The following SHMT1 variants were observed in gnomAD, a reference collection of about 807,000 sequenced individuals.
The protein encoded by SHMT1 is serine hydroxymethyltransferase, cytosolic.
A neutral mutation model predicts 49.0 loss-of-function variants in SHMT1; 45 were observed. The ratio of observed to expected loss-of-function variants is 0.92; its 90% CI spans 0.72 to 1.18. The LOEUF is 1.18. Among genes scored for constraint, SHMT1 ranks in the 50% most tolerant of loss-of-function variants. SHMT1 has a pLI of 0.00. For missense variants in SHMT1, 541 were observed against 612.4 expected (o/e 0.88, Z 1.23); for synonymous variants, 232 against 246.6 (o/e 0.94, Z 0.55).
Position 18,328,792 on chromosome 17 carries a change from G to C in SHMT1, c.1410C>G (p.Ser470Arg), listed in dbSNP as rs374829533. The change falls in exon 12 of 12, where the codon AGC (serine) becomes AGG (arginine). Residue 470 changes from serine to arginine, a missense_variant. By Grantham distance (110) the Ser-to-Arg change is moderately radical (BLOSUM62 -1). Transcript: ENST00000316694. Reference sequence around the variant, plus strand: ...CAGGCAGAGGGAAGAGAGAGGCGAAGCTCTCAACCTCCTCCCGGAGAGCCT... The same window carrying C: ...CAGGCAGAGGGAAGAGAGAGGCGAACCTCTCAACCTCCTCCCGGAGAGCCT... ...AVQALREEVESFASLFPLPGL... is the reference protein window; with the variant it reads ...AVQALREEVERFASLFPLPGL... 2 of 1,603,410 alleles carry C rather than the reference G, an allele frequency of 1.2e-6. No individual in the cohort carries two copies. Among genetic ancestry groups the C allele is most frequent in the African/African-American group, 2.7e-5 (2 of 74,712 alleles).
At chr17:18,357,785 G>A (rs1458054788) in intron 1 of SHMT1, among the ~76,000 whole-genome samples, 1 of 151,344 alleles carries the variant, frequency 6.6e-6, no homozygotes, top group Non-Finnish European at 1.5e-5. Flanking sequence ...TTCAAGACCA[G>A]CCTGGGCATT....
rs1162806683 is a variant in SHMT1 at position 18,363,409 on chromosome 17, C to G, written c.-57G>C. ...CCGTCCTACGCCGCCGCCGGTGCCACCAGTCCCAGACCCGCTGACCCAACG... is the reference window on the plus strand; with the variant it reads ...CCGTCCTACGCCGCCGCCGGTGCCAGCAGTCCCAGACCCGCTGACCCAACG... On this transcript the variant is annotated 5_prime_UTR_variant, in exon 1 of 12. Coordinates refer to ENST00000316694, the MANE Select transcript of SHMT1 (RefSeq NM_004169.5). 2 of 152,762 alleles carry G rather than the reference C, an allele frequency of 1.3e-5. No homozygotes were observed. Among genetic ancestry groups the G allele is most frequent in the Admixed American group, 6.5e-5 (1 of 15,288 alleles). The allele number at this position is 152,762 out of a possible 1,614,324, so 9.5% of individuals were successfully genotyped here.
At chr17:18,329,204 T>G (rs17806333) in intron 11 of SHMT1, 74 bp downstream of exon 11, 16 of 1,107,080 alleles carry the variant, frequency 1.4e-5, no homozygotes, top group Admixed American at 1.9e-5. Context: ...AGTGGCAGGG[T>G]CTCAGCTACT....
At chr17:18,347,789 G>A in intron 4 of SHMT1, 133 bp from the exon 5 acceptor site, 1 of 938,498 alleles carries the variant, frequency 1.1e-6, no homozygotes, top group South Asian at 1.5e-5. Context: ...GCTCCAGGAG[G>A]TGCCCCTTCA....
intron 7 of SHMT1, among the ~76,000 whole-genome samples, chr17:18,337,175 T>C (rs941370356): frequency 6.6e-6 from 1 of 152,146 alleles, no homozygotes; most frequent in Non-Finnish European, 1.5e-5. Context: ...GGACAGGTAC[T>C]ATTATTATAG....
At chr17:18,350,642 T>C (rs1985585614) in intron 3 of SHMT1, among the ~76,000 whole-genome samples, 1 of 151,796 alleles carries the variant, frequency 6.6e-6, no homozygotes, top group Admixed American at 6.6e-5. Flanking sequence ...GTCATTCATT[T>C]ATTCACACAT....
intron 1 of SHMT1, among the ~76,000 whole-genome samples, chr17:18,357,772 G>T (rs1477813320): frequency 1.3e-5 from 2 of 151,722 alleles, no homozygotes; most frequent in African/African-American, 4.8e-5. Context: ...GGGAGGCCAG[G>T]AGTTCAAGAC....
rs759390403 is a variant in SHMT1 at position 18,328,897 on chromosome 17, G to A, written c.1305C>T (p.Ile435=). The change falls in exon 12 of 12, where the codon ATC becomes ATT. Residue 435 remains isoleucine (I), a synonymous_variant. Coordinates refer to ENST00000316694, the MANE Select transcript of SHMT1 (RefSeq NM_004169.5). ...TGGCTCTGACACCAGTGTCGCTCTG[G>A]ATCTGCAGGGTCAGCTCTATCCCTG... The part of the protein sequence containing the change: ...IHRGIELTLQ[I]QSDTGVRATL... 5 of 1,613,906 alleles carry A rather than the reference G, an allele frequency of 3.1e-6. No individual in the cohort carries two copies. The South Asian group carries it at 5.5e-5, about 18-fold the overall frequency.
chr17:18,361,186 C>A lies in SHMT1; in HGVS notation c.-20+2186G>T, dbSNP rs551292867. ...CTGGGTGTGTGGTGCGCACCTGTAA[C>A]CCCAGCTACTCAGGAGGCTGAGGCA... On this transcript the variant is annotated intron_variant, in intron 1 of 11. Transcript: ENST00000316694. 5.9e-5 allele frequency among the ~76,000 whole-genome samples: 9 copies of A among 151,882 alleles called. No individual in the cohort carries two copies. The East Asian group carries it at 1.6e-3, about 26-fold the overall frequency.
At chr17:18,329,137 A>G in intron 11 of SHMT1, 141 bp downstream of exon 11, 3 of 873,358 alleles carry the variant, frequency 3.4e-6, no homozygotes, top group Non-Finnish European at 3.7e-6. Context: ...GGTGATTTAC[A>G]TGTGTTTTTT....
chr17:18,333,379 C>T, intron 8 of SHMT1, 91 bp from the exon 9 acceptor site: 1 of 1,337,314 alleles, frequency 7.5e-7, no homozygotes, highest in Non-Finnish European at 1.0e-6. Flanking sequence ...ACTCAAGCTT[C>T]CTTGCTTTTC....
At chr17:18,358,471 A>G (rs1024294107) in intron 1 of SHMT1, among the ~76,000 whole-genome samples, 1 of 152,090 alleles carries the variant, frequency 6.6e-6, no homozygotes, top group African/African-American at 2.4e-5. Context: ...CTGGCAACAG[A>G]GCGAGACTCT....
Position 18,330,673 on chromosome 17 carries a change from T to C in SHMT1, c.1055-2A>G. ...GGATCAAATGGTTGTCAGAACCACC[T>C]GGAAACAAAGTTGGACATGTAGAAA... On this transcript the variant is annotated splice_acceptor_variant, in intron 9 of 11. Transcript: ENST00000316694. LOFTEE classifies it high-confidence loss of function. The C allele has an allele frequency of 1.2e-6, 2 of 1,606,840 alleles. No individual in the cohort carries two copies. The highest frequency in any genetic ancestry group is 2.2e-5 in the South Asian group (2 of 90,950).
chr17:18,338,641 T>TA (rs1478285943), intron 7 of SHMT1, among the ~76,000 whole-genome samples: 1 of 152,212 alleles, frequency 6.6e-6, no homozygotes, highest in Non-Finnish European at 1.5e-5. Flanking sequence ...GGGGAAAAGA[T>TA]AGAGAAATCA....
chr17:18,336,049 C>T (rs892536189), intron 7 of SHMT1, among the ~76,000 whole-genome samples: 7 of 152,012 alleles, frequency 4.6e-5, no homozygotes, highest in East Asian at 3.9e-4. Flanking sequence ...GAGGCCAAGG[C>T]GGGCGGATCA....
chr17:18,345,371 C>A (rs1984977126), intron 5 of SHMT1, among the ~76,000 whole-genome samples: 1 of 152,114 alleles, frequency 6.6e-6, no homozygotes, highest in South Asian at 2.1e-4. Context: ...GGTTCTCCTG[C>A]CTCAGCCTCC....
intron 11 of SHMT1, 127 bp from the exon 12 acceptor site, chr17:18,329,046 T>G: frequency 1.6e-6 from 2 of 1,224,930 alleles, no homozygotes; most frequent in South Asian, 1.3e-5. Flanking sequence ...AAGGTCTCCA[T>G]GCTTACCTCA....
intron 9 of SHMT1, chr17:18,332,372 A>G (rs1983309509): frequency 6.5e-6 from 1 of 152,676 alleles, no homozygotes. Flanking sequence ...GAGGCCTGTA[A>G]TCCCTCCCCA....
At chr17:18,348,701 G>A in intron 3 of SHMT1, 1 of 573,512 alleles carries the variant, frequency 1.7e-6, no homozygotes, top group South Asian at 1.4e-5. Flanking sequence ...TTGGCTGGGA[G>A]AGGTGGCTTA....
Sources: allele counts gnomAD v4.1 joint callset (sites outside exome capture counted in the v4.1 genomes callset), GRCh38; gene constraint gnomAD v4.1.1; transcripts MANE v1.5; gene names NCBI Gene and HGNC (gene_info 2026-07-23, HGNC 2026-07-21).